Variants in CUX1 observed in about 807,000 individuals in gnomAD.
CUX1 encodes the protein protein CASP.
Under a neutral mutation model 158.8 loss-of-function variants are expected in CUX1, and 31 were observed. That is an observed-to-expected ratio of 0.20 (90% CI 0.15 to 0.26). The LOEUF is 0.26. Among genes scored for constraint, CUX1 ranks in the 10% least tolerant of loss-of-function variants. CUX1 has a pLI of 1.00. For synonymous variants in CUX1, 879 were observed against 862.1 expected, an observed-to-expected ratio of 1.02 and a Z score of -0.34; for missense variants, 1,589 against 2,014.6, an observed-to-expected ratio of 0.79 and a Z score of 4.04.
chr7:102,035,892 G>T (rs1003463815), intron 3 of CUX1, among the ~76,000 whole-genome samples: 7 of 151,978 alleles, frequency 4.6e-5, no homozygotes, highest in African/African-American at 1.4e-4. Flanking sequence ...TTTGTTTTGA[G>T]ACAGAGTCTC....
intron 2 of CUX1, among the ~76,000 whole-genome samples, chr7:101,937,179 G>C (rs1807041968): frequency 6.6e-6 from 1 of 152,176 alleles, no homozygotes; most frequent in South Asian, 2.1e-4. Flanking sequence ...AGTGTGTGCT[G>C]CGTGGCCCCC....
At chr7:102,174,779 A>G (rs1272962903) in intron 10 of CUX1, among the ~76,000 whole-genome samples, 1 of 152,194 alleles carries the variant, frequency 6.6e-6, no homozygotes, top group Non-Finnish European at 1.5e-5. Flanking sequence ...TCCTATCTCT[A>G]CTAAAACTAT....
chr7:102,124,930 G>A (rs1832453590), intron 8 of CUX1, among the ~76,000 whole-genome samples: 4 of 151,868 alleles, frequency 2.6e-5, no homozygotes. Context: ...TACAGGCACA[G>A]GGCACCACGC....
intron 2 of CUX1, among the ~76,000 whole-genome samples, chr7:101,973,578 G>A (rs1201891568): frequency 6.6e-6 from 1 of 152,052 alleles, no homozygotes; most frequent in Non-Finnish European, 1.5e-5. Context: ...TGCGCCAAAT[G>A]AATGCACCCG....
chr7:102,268,961 G>A (rs1354645902), intron 14 of CUX1, among the ~76,000 whole-genome samples: 1 of 144,050 alleles, frequency 6.9e-6, no homozygotes. Flanking sequence ...TTTTGAGACA[G>A]GGTCTTACTC....
rs1169695855 is a variant in CUX1, at chr7:102,248,083, A to G, written c.3888-329A>G. 1.3e-5 allele frequency among the ~76,000 whole-genome samples: 2 copies of G among 152,202 alleles called. No individual in the cohort carries two copies. Among genetic ancestry groups the G allele is most frequent in the African/African-American group, 4.8e-5 (2 of 41,428 alleles). On this transcript the variant is annotated intron_variant, in intron 23 of 23. Transcript: ENST00000292535. The surrounding 1 kb of genome is among the most constrained non-coding windows in gnomAD (Gnocchi z 5.8). ...GAGGCAGAGGTTGCAGTCTGCGGAG[A>G]TTGAGCCACTGCACTCCACCTGGGC...
rs1363990530 is a variant in CUX1 at position 101,985,838 on chromosome 7, A to T, written c.142-42260A>T. On this transcript the variant is annotated intron_variant, in intron 2 of 23. Transcript: ENST00000292535. ...GATGTGGTGTGATTCTTGACGTTACAAAAGCTTCCTTGTTTTTCAGAGGGA... is the reference window on the plus strand; with the variant it reads ...GATGTGGTGTGATTCTTGACGTTACTAAAGCTTCCTTGTTTTTCAGAGGGA... Among the ~76,000 whole-genome samples the T allele has an allele frequency of 2.0e-5, 3 of 152,254 alleles. No homozygotes were observed. In the East Asian group the frequency reaches 5.8e-4, roughly 29 times the overall value.
intron 11 of CUX1, among the ~76,000 whole-genome samples, chr7:102,186,103 A>G (rs1747121639): frequency 1.3e-5 from 2 of 152,166 alleles, no homozygotes; most frequent in African/African-American, 4.8e-5. Context: ...CTTTCTGGGA[A>G]CCCAACAAGG....
At chr7:102,195,127 A>AG (rs1376243387) in intron 13 of CUX1, among the ~76,000 whole-genome samples, 79 of 152,080 alleles carry the variant, frequency 5.2e-4, no homozygotes, top group African/African-American at 1.9e-3. Context: ...AAAAAAAAAA[A>AG]AAAAAGAAAA....
At chr7:102,218,177 G>A (rs1797439470) in intron 20 of CUX1, among the ~76,000 whole-genome samples, 1 of 152,212 alleles carries the variant, frequency 6.6e-6, no homozygotes, top group Non-Finnish European at 1.5e-5. Context: ...CTTTGTTTGA[G>A]TGACCTGCTT....
At chr7:102,030,691 G>GGTTTTTTTTTTTTTTTTTTTTTTT (rs537970250) in intron 3 of CUX1, among the ~76,000 whole-genome samples, 2 of 119,386 alleles carry the variant, frequency 1.7e-5, no homozygotes, top group African/African-American at 6.2e-5. Context: ...TTTAAAAAGT[G>GGTTTTTTTTTTTTTTTTTTTTTTT]TTTTTTTTTT....
chr7:102,260,770 G>A (rs1586484381), downstream of CUX1, among the ~76,000 whole-genome samples: 1 of 152,122 alleles, frequency 6.6e-6, no homozygotes, highest in East Asian at 1.9e-4. Flanking sequence ...CAGGTAGACA[G>A]GGTGGCGCGA....
intron 2 of CUX1, among the ~76,000 whole-genome samples, chr7:101,985,923 G>C (rs887765753): frequency 1.3e-5 from 2 of 152,220 alleles, no homozygotes; most frequent in African/African-American, 4.8e-5. Context: ...TTACTTTCCA[G>C]AAGGTTTTAA....
chr7:101,825,499 A>G (rs1335309545), intron 1 of CUX1, among the ~76,000 whole-genome samples: 2 of 152,116 alleles, frequency 1.3e-5, no homozygotes, highest in Non-Finnish European at 2.9e-5. Flanking sequence ...TAAAGCTACC[A>G]TCCGGAGCTG....
chr7:102,033,437 A>G (rs1821033015), intron 3 of CUX1, among the ~76,000 whole-genome samples: 1 of 152,242 alleles, frequency 6.6e-6, no homozygotes, highest in African/African-American at 2.4e-5. Context: ...TTATTTGAAA[A>G]TACCACTGCA....
chr7:101,992,633 A>C (rs1187963891), intron 2 of CUX1, among the ~76,000 whole-genome samples: 2 of 152,294 alleles, frequency 1.3e-5, no homozygotes, highest in East Asian at 3.9e-4. Flanking sequence ...ATACTGATTT[A>C]GATCTTATTT....
At chr7:101,870,153 G>GTTTTTTTTT in intron 1 of CUX1, among the ~76,000 whole-genome samples, 1 of 104,066 alleles carries the variant, frequency 9.6e-6, no homozygotes, top group Non-Finnish European at 1.9e-5. Context: ...TGTTTTTTTT[G>GTTTTTTTTT]TTTTTTTTTT....
rs1481734051 is a variant in CUX1, at chr7:101,893,180, TTTTTTA to T, written c.31-22934_31-22929del. 7.3e-3 allele frequency among the ~76,000 whole-genome samples: 640 copies of T among 87,576 alleles called. 10 individuals are homozygous for T. Among genetic ancestry groups the T allele is most frequent in the East Asian group, 0.045 (13 of 292 alleles). The allele number at this position is 87,576 out of a possible 152,430, so 57.5% of individuals were successfully genotyped here. A position where few individuals can be genotyped will look rare whatever the true frequency, so the allele number is the denominator to read the frequency against. ...TTACTTTTTTTTTTTTTTTTTTTTTTTTTTTAAAATAGAGATGAGGGCTTGCTGTGT... is the reference window on the plus strand; with the variant it reads ...TTACTTTTTTTTTTTTTTTTTTTTTTAAATAGAGATGAGGGCTTGCTGTGT... On this transcript the variant is annotated intron_variant, in intron 1 of 23. Coordinates refer to ENST00000292535, the MANE Select transcript of CUX1 (RefSeq NM_181552.4).
chr7:102,090,838 T>C (rs1554482016), intron 4 of CUX1, among the ~76,000 whole-genome samples: 1 of 152,232 alleles, frequency 6.6e-6, no homozygotes, highest in Non-Finnish European at 1.5e-5. Flanking sequence ...ACTCTGTGTA[T>C]GGCAATTTTC....
Sources: gnomAD v4.1 joint callset for allele counts (sites outside exome capture counted in the v4.1 genomes callset) on GRCh38, gnomAD v4.1.1 for gene constraint, Gnocchi (gnomAD v3.1) non-coding constraint, MANE v1.5 for transcripts, NCBI Gene and HGNC (gene_info 2026-07-23, HGNC 2026-07-21) for gene names.